STX18: variants seen among roughly 807,000 people sequenced by gnomAD.
The protein encoded by STX18 is syntaxin-18.
STX18 carries 40 observed loss-of-function variants against 50.1 expected under a neutral mutation model. The observed-to-expected ratio is 0.80, with a 90% confidence interval of 0.62 to 1.04. The LOEUF is 1.04. STX18 is among the 50% of genes least tolerant of loss of function. The pLI is 0.00. For missense variants in STX18, 410 were observed against 415.8 expected, an observed-to-expected ratio of 0.99 and a Z score of 0.12; for synonymous variants, 158 against 151.8, an observed-to-expected ratio of 1.04 and a Z score of -0.30.
chr4:4,528,328 C>A (rs988807206), intron 1 of STX18, among the ~76,000 whole-genome samples: 2 of 152,060 alleles, frequency 1.3e-5, no homozygotes, highest in African/African-American at 4.8e-5. Context: ...AGGGTTGATC[C>A]CTCATGAATG....
chr4:4,467,895 G>A (rs1322107840), intron 2 of STX18, among the ~76,000 whole-genome samples: 3 of 151,970 alleles, frequency 2.0e-5, no homozygotes, highest in African/African-American at 7.3e-5. Flanking sequence ...GGTGAGAGGA[G>A]CCAAAAAAAT....
intron 1 of STX18, chr4:4,481,810 C>A (rs1728477810): frequency 6.6e-6 from 1 of 152,300 alleles, no homozygotes; most frequent in African/African-American, 2.4e-5. Flanking sequence ...GACCAATCAC[C>A]CACAAAAGAG....
intron 1 of STX18, among the ~76,000 whole-genome samples, chr4:4,511,055 G>A (rs1321206460): frequency 6.6e-6 from 1 of 152,174 alleles, no homozygotes; most frequent in Non-Finnish European, 1.5e-5. Flanking sequence ...CCTAATGCAT[G>A]CAGGGCTTAA....
chr4:4,531,162 C>G (rs1731077952), intron 1 of STX18, among the ~76,000 whole-genome samples: 1 of 152,052 alleles, frequency 6.6e-6, no homozygotes, highest in Non-Finnish European at 1.5e-5. Flanking sequence ...TACACACACA[C>G]ACACACACAC....
At chr4:4,487,079 T>A (rs1362805246) in intron 1 of STX18, among the ~76,000 whole-genome samples, 1 of 151,590 alleles carries the variant, frequency 6.6e-6, no homozygotes, top group East Asian at 1.9e-4. Context: ...TTCATGGAGC[T>A]CAGGTTAAGT....
intron 1 of STX18, among the ~76,000 whole-genome samples, chr4:4,537,570 A>G (rs944164458): frequency 1.3e-5 from 2 of 152,228 alleles, no homozygotes; most frequent in African/African-American, 4.8e-5. Flanking sequence ...GAGCTAGAGA[A>G]AGAAGCTCTA....
chr4:4,422,569 CAA>C (rs59060926), intron 9 of STX18, among the ~76,000 whole-genome samples: 7,393 of 107,550 alleles, frequency 0.069, 596 homozygotes, highest in African/African-American at 0.2. Flanking sequence ...ACTCTGTCTC[CAA>C]AAAAAAAAAA....
chr4:4,422,563 T>C (rs748875094), intron 9 of STX18, among the ~76,000 whole-genome samples: 28 of 131,458 alleles, frequency 2.1e-4, no homozygotes, highest in Non-Finnish European at 3.8e-4. Context: ...AGCAAGACTC[T>C]GTCTCCAAAA....
intron 1 of STX18, among the ~76,000 whole-genome samples, chr4:4,473,700 C>A (rs1241092719): frequency 6.6e-6 from 1 of 152,192 alleles, no homozygotes; most frequent in Non-Finnish European, 1.5e-5. Flanking sequence ...TGTTTCAAAA[C>A]CTTCAATGGT....
At chr4:4,441,198 A>C (rs1726085686) in intron 5 of STX18, among the ~76,000 whole-genome samples, 1 of 152,200 alleles carries the variant, frequency 6.6e-6, no homozygotes, top group African/African-American at 2.4e-5. Flanking sequence ...GCCATATTCT[A>C]CTGCCCAACA....
intron 1 of STX18, among the ~76,000 whole-genome samples, chr4:4,478,224 C>CAAAA (rs71638565): frequency 1.8e-5 from 2 of 110,918 alleles, no homozygotes; most frequent in African/African-American, 8.6e-5. Context: ...GAAAGATCGG[C>CAAAA]AAAAAAAAAA....
At chr4:4,495,004 G>C (rs1017101205) in intron 1 of STX18, among the ~76,000 whole-genome samples, 13 of 152,182 alleles carry the variant, frequency 8.5e-5, no homozygotes, top group African/African-American at 3.1e-4. Flanking sequence ...TGATTCTAAT[G>C]TACAATCAGG....
At chr4:4,507,813 A>G in intron 1 of STX18, 1 of 523,534 alleles carries the variant, frequency 1.9e-6, no homozygotes, top group Non-Finnish European at 3.2e-6. Context: ...ATATATTCAC[A>G]GTAAAAAAAA....
At chr4:4,511,079 G>C (rs1478579448) in intron 1 of STX18, among the ~76,000 whole-genome samples, 1 of 152,072 alleles carries the variant, frequency 6.6e-6, no homozygotes, top group Non-Finnish European at 1.5e-5. Context: ...CTATATGACG[G>C]GTTGACAGGT....
At chr4:4,467,259 C>T (rs982005234) in intron 2 of STX18, among the ~76,000 whole-genome samples, 8 of 152,108 alleles carry the variant, frequency 5.3e-5, no homozygotes, top group South Asian at 4.2e-4. Flanking sequence ...GCAAGAAGGG[C>T]GTTTGTTTCC....
intron 1 of STX18, among the ~76,000 whole-genome samples, chr4:4,538,468 A>G (rs1577415395): frequency 6.6e-6 from 1 of 152,084 alleles, no homozygotes; most frequent in East Asian, 1.9e-4. Context: ...TCACGCACTT[A>G]ACTAAATTAA....
intron 7 of STX18, among the ~76,000 whole-genome samples, chr4:4,426,940 G>C (rs140104215): frequency 3.3e-5 from 5 of 152,100 alleles, no homozygotes; most frequent in African/African-American, 1.2e-4. Context: ...AGAACTCCAC[G>C]TGGTCCCTCA....
intron 5 of STX18, among the ~76,000 whole-genome samples, chr4:4,447,093 A>G (rs1192200298): frequency 1.3e-5 from 2 of 152,234 alleles, no homozygotes. Context: ...AGGTATACAC[A>G]TATGATTATT....
chr4:4,496,784 A>G (rs1202353247), intron 1 of STX18, among the ~76,000 whole-genome samples: 2 of 152,194 alleles, frequency 1.3e-5, no homozygotes, highest in East Asian at 3.9e-4. Context: ...GTCATGTTAC[A>G]CTATGGTGTC....
Sources: allele counts gnomAD v4.1 joint callset (sites outside exome capture counted in the v4.1 genomes callset), GRCh38; gene constraint gnomAD v4.1.1; transcripts MANE v1.5; gene names NCBI Gene and HGNC (gene_info 2026-07-23, HGNC 2026-07-21).